DDX25: variants seen among roughly 807,000 people sequenced by gnomAD.
DDX25 encodes DEAD-box helicase 25, also known as ATP-dependent RNA helicase DDX25.
Under a neutral mutation model 64.6 loss-of-function variants are expected in DDX25, and 70 were observed. That is an observed-to-expected ratio of 1.08 (90% confidence interval 0.89 to 1.32). The LOEUF (loss-of-function observed/expected upper bound fraction) is 1.32. Ranked by LOEUF, DDX25 falls within the 40% of genes most tolerant of loss-of-function variation. DDX25 has a pLI of 0.00. For synonymous variants in DDX25, 211 were observed against 213.3 expected, an observed-to-expected ratio of 0.99 and a Z score of 0.09; for missense variants, 587 against 604.4, an observed-to-expected ratio of 0.97 and a Z score of 0.30.
At position 125,907,418 on chromosome 11, in the gene DDX25, C is replaced by T. The variant is rs1030558180; in HGVS notation, c.312-778C>T. On this transcript the variant is annotated intron_variant, in intron 4 of 11. Coordinates refer to ENST00000263576, the MANE Select transcript of DDX25 (RefSeq NM_013264.5). Reference sequence around the variant, plus strand: ...GGTCAGGAGATCGAGACCATCCTGGCTAACACAGTGAAACCCCGTCTCTAC... The same window carrying T: ...GGTCAGGAGATCGAGACCATCCTGGTTAACACAGTGAAACCCCGTCTCTAC... Among the ~76,000 whole-genome samples the T allele has an allele frequency of 4.1e-4, 63 of 152,214 alleles. 1 individual carries two copies. The highest frequency in any genetic ancestry group is 5.1e-4 in the African/African-American group (21 of 41,520).
chr11:125,908,522 A>C lies in DDX25; in HGVS notation c.507+19A>C, dbSNP rs1426901144. 3 of 1,610,722 alleles carry C rather than the reference A, an allele frequency of 1.9e-6. No individual in the cohort carries two copies. Among genetic ancestry groups the C allele is most frequent in the Middle Eastern group, 2.0e-4 (1 of 4,928 alleles). The stretch of plus-strand genomic sequence containing the variant: ...CCCACAGGTAAGGGAAGGCTGAGAG[A>C]AGACTGGGAATGCTTGCACTACCAG... On this transcript the variant is annotated intron_variant, in intron 6 of 11. Transcript: ENST00000263576.
intron 10 of DDX25, chr11:125,920,808 G>A: frequency 5.5e-6 from 1 of 181,208 alleles, no homozygotes; most frequent in Non-Finnish European, 1.2e-5. Flanking sequence ...CCCATGACGG[G>A]CAAGCGGGTG....
intron 8 of DDX25, among the ~76,000 whole-genome samples, chr11:125,913,868 A>G (rs1944999598): frequency 6.6e-6 from 1 of 152,162 alleles, no homozygotes. Context: ...TCCAAAAAAA[A>G]AAATGATATA....
At chr11:125,915,103 G>A (rs146950121) in intron 8 of DDX25, among the ~76,000 whole-genome samples, 1 of 152,120 alleles carries the variant, frequency 6.6e-6, no homozygotes, top group African/African-American at 2.4e-5. Flanking sequence ...GCCACCATGC[G>A]TGGCCCCAAA....
Position 125,918,671 on chromosome 11 carries a change from A to T in DDX25, c.1082A>T (p.Asp361Val). The T allele has an allele frequency of 6.2e-7, 1 of 1,613,888 alleles. No homozygotes were observed. Among genetic ancestry groups the T allele is most frequent in the Non-Finnish European group, 8.5e-7 (1 of 1,179,868 alleles). ...AKWLTVEMIQ[D>V]GHQVSLLSGE... is the part of the protein sequence containing the mutation. ...TGGTTGACCGTGGAGATGATACAGG[A>T]TGGCCACCAGGTGTCTTTGTTAAGC... Residue 361 changes from aspartate (D) to valine (V), a missense_variant, in exon 10 of 12, where the codon GAT becomes GTT. By Grantham distance (152) the Asp-to-Val change is radical. Coordinates refer to ENST00000263576, the MANE Select transcript of DDX25 (RefSeq NM_013264.5).
chr11:125,915,603 C>G (rs1469120953), intron 8 of DDX25, among the ~76,000 whole-genome samples: 2 of 152,202 alleles, frequency 1.3e-5, no homozygotes, highest in Non-Finnish European at 2.9e-5. Context: ...ATGGCCCAAG[C>G]CTTAGGATAT....
chr11:125,905,292 GGGCAA>G lies in DDX25; in HGVS notation c.130+15_130+19del. On this transcript the variant is annotated intron_variant, in intron 2 of 11. Coordinates refer to ENST00000263576, the MANE Select transcript of DDX25 (RefSeq NM_013264.5). ...TCCGAAACATAGGTGAGTGCTGTTA[GGGCAA>G]AGCAGAGCGACCTCAATGATTAAAA... The G allele has an allele frequency of 1.9e-6, 3 of 1,551,448 alleles. No homozygotes were observed. Among genetic ancestry groups the G allele is most frequent in the Non-Finnish European group, 2.6e-6 (3 of 1,146,852 alleles).
At chr11:125,920,428 C>T (rs1197654743) in intron 10 of DDX25, among the ~76,000 whole-genome samples, 7 of 127,154 alleles carry the variant, frequency 5.5e-5, no homozygotes, top group Non-Finnish European at 4.9e-5. Flanking sequence ...CAGAGCGAGA[C>T]TCCATCTCAA....
At chr11:125,916,196 GTC>G (rs996212943) in intron 8 of DDX25, among the ~76,000 whole-genome samples, 4 of 152,068 alleles carry the variant, frequency 2.6e-5, no homozygotes, top group African/African-American at 4.8e-5. Flanking sequence ...TTTCCCTCTG[GTC>G]TCTCTCATTT....
At chr11:125,909,265 A>G (rs773210161) in intron 6 of DDX25, among the ~76,000 whole-genome samples, 5 of 152,236 alleles carry the variant, frequency 3.3e-5, no homozygotes, top group Non-Finnish European at 7.3e-5. Flanking sequence ...TAGGTAAGGC[A>G]TAGGAAATCT....
At position 125,922,913 on chromosome 11, in the gene DDX25, A is replaced by G. The variant is rs1945132677; in HGVS notation, c.*32A>G. ...AACTTTATTGTTTGTGCAGTATCCT[A>G]GTTTATGTGAGAATGTCTCAGTGGG... On this transcript the variant is annotated 3_prime_UTR_variant, in exon 12 of 12. Transcript: ENST00000263576. The G allele has an allele frequency of 6.4e-7, 1 of 1,570,614 alleles. No homozygotes were observed. Among genetic ancestry groups the G allele is most frequent in the Non-Finnish European group, 8.7e-7 (1 of 1,154,592 alleles).
At chr11:125,904,624 C>A in intron 1 of DDX25, 44 bp downstream of exon 1, 1 of 1,419,328 alleles carries the variant, frequency 7.0e-7, no homozygotes, top group Non-Finnish European at 9.2e-7. Context: ...GGGGGTGGAG[C>A]TCCCACTCGC....
In DDX25 at chr11:125,906,194, T is replaced by G; in HGVS notation, c.296T>G (p.Phe99Cys). 6.5e-7 allele frequency: 1 copy of G among 1,541,278 alleles called. No homozygotes were observed. The change falls in exon 4 of 12, where the codon TTT becomes TGT. Residue 99 changes from phenylalanine (F) to cysteine (C), a missense_variant. Physicochemically the swap from Phe to Cys is radical, Grantham distance 205. Transcript: ENST00000263576. ...TCTCCACTTTACTCAGTAAAGACAT[T>G]TGAAGAGCTGCGGCTGTGAGTATTT... The part of the protein sequence containing the change: ...PSSPLYSVKT[F>C]EELRLKEELL...
Position 125,908,307 on chromosome 11 carries a change from G to A in DDX25, c.404+19G>A, listed in dbSNP as rs1320244119. ...CACATCCGTGAGTTTCCAGGGTAGT[G>A]GTATTCTACTTGGTTATGTTTAGTT... On this transcript the variant is annotated intron_variant, in intron 5 of 11. Transcript: ENST00000263576. The A allele has an allele frequency of 6.2e-7, 1 of 1,613,256 alleles. No homozygotes were observed. Among genetic ancestry groups the A allele is most frequent in the Middle Eastern group, 1.6e-4 (1 of 6,062 alleles).
At position 125,908,255 on chromosome 11, in the gene DDX25, A is replaced by G. The variant is rs1431352903; in HGVS notation, c.371A>G (p.Gln124Arg). The G allele has an allele frequency of 6.2e-7, 1 of 1,613,716 alleles. No individual in the cohort carries two copies. Among genetic ancestry groups the G allele is most frequent in the Non-Finnish European group, 8.5e-7 (1 of 1,179,732 alleles). Residue 124 changes from glutamine (Q) to arginine (R), a missense_variant, in exon 5 of 12, where the codon CAA becomes CGA. Transcript: ENST00000263576. The stretch of plus-strand genomic sequence containing the variant: ...GGATTTAATAGGCCATCTAAAATCC[A>G]AGAGATGGCTCTCCCTATGATGCTG... ...AMGFNRPSKI[Q>R]EMALPMMLAH...
At chr11:125,910,642 G>T (rs80214587) in intron 7 of DDX25, among the ~76,000 whole-genome samples, 164 bp downstream of exon 7, 3,596 of 152,258 alleles carry the variant, frequency 0.024, 64 homozygotes, top group Non-Finnish European at 0.039. Flanking sequence ...GTAAAGCATT[G>T]TACACAATGC....
chr11:125,921,209 T>C lies in DDX25; in HGVS notation c.1220T>C (p.Val407Ala). ...CTTCTAGGGATTGATGTGAAGCAGG[T>C]CACAATTGTTGTGAACTTTGATCTC... ...VCARGIDVKQ[V>A]TIVVNFDLPV... Residue 407 changes from valine (V) to alanine (A), a missense_variant, in exon 11 of 12, where the codon GTC becomes GCC. By Grantham distance (64) the Val-to-Ala change is moderately conservative. Coordinates refer to ENST00000263576, the MANE Select transcript of DDX25 (RefSeq NM_013264.5). The surrounding 1 kb of genome is among the most constrained non-coding windows in gnomAD (Gnocchi z 4.1). 6.2e-7 allele frequency: 1 copy of C among 1,611,210 alleles called. No homozygotes were observed. The highest frequency in any genetic ancestry group is 1.1e-5 in the South Asian group (1 of 90,470).
chr11:125,920,597 T>A (rs778723969), intron 10 of DDX25, among the ~76,000 whole-genome samples: 6 of 152,178 alleles, frequency 3.9e-5, no homozygotes, highest in Non-Finnish European at 7.3e-5. Flanking sequence ...TTGAATTGCT[T>A]GTACTTTTCC....
At chr11:125,910,688 C>G (rs1944954880) in intron 7 of DDX25, among the ~76,000 whole-genome samples, 1 of 152,172 alleles carries the variant, frequency 6.6e-6, no homozygotes. Context: ...ATGTTAGCCA[C>G]ATCATTTCCA....
Sources: gnomAD v4.1 joint callset for allele counts (sites outside exome capture counted in the v4.1 genomes callset) on GRCh38, gnomAD v4.1.1 for gene constraint, Gnocchi (gnomAD v3.1) non-coding constraint, MANE v1.5 for transcripts, NCBI Gene and HGNC (gene_info 2026-07-23, HGNC 2026-07-21) for gene names.